XKR4: variants seen among roughly 807,000 people sequenced by gnomAD.
XKR4 encodes XK related 4.
XKR4 carries 12 observed loss-of-function variants against 53.9 expected under a neutral mutation model. The ratio of observed to expected loss-of-function variants is 0.22; its 90% CI spans 0.14 to 0.36. The LOEUF (loss-of-function observed/expected upper bound fraction) is 0.36, where lower values mean the gene tolerates loss of function less well. Ranked by LOEUF, XKR4 falls within the 10% of genes least tolerant of loss-of-function variation. XKR4 has a pLI of 1.00. For synonymous variants in XKR4, 354 were observed against 362.4 expected, an observed-to-expected ratio of 0.98 and a Z score of 0.26; for missense variants, 799 against 859.5, an observed-to-expected ratio of 0.93 and a Z score of 0.88.
intron 2 of XKR4, among the ~76,000 whole-genome samples, chr8:55,427,207 C>A (rs760552821): frequency 6.6e-6 from 1 of 152,078 alleles, no homozygotes; most frequent in Non-Finnish European, 1.5e-5. Context: ...ATAGAATAGA[C>A]GTCCAATAAC....
At chr8:55,426,795 T>C (rs1222858947) in intron 2 of XKR4, among the ~76,000 whole-genome samples, 4 of 152,212 alleles carry the variant, frequency 2.6e-5, no homozygotes, top group Admixed American at 2.6e-4. Flanking sequence ...ACCCAAACTA[T>C]GCTAAGAAGT....
At chr8:55,148,758 G>A (rs1477699298) in intron 1 of XKR4, among the ~76,000 whole-genome samples, 2 of 152,004 alleles carry the variant, frequency 1.3e-5, no homozygotes, top group African/African-American at 4.8e-5. Context: ...AACCCATGAA[G>A]TGGTCAATTA....
intron 2 of XKR4, among the ~76,000 whole-genome samples, chr8:55,435,259 A>C (rs898436372): frequency 6.6e-6 from 1 of 152,170 alleles, no homozygotes; most frequent in African/African-American, 2.4e-5. Flanking sequence ...ATTAGTTTGA[A>C]TCGTTGCTCC....
intron 1 of XKR4, among the ~76,000 whole-genome samples, chr8:55,231,748 T>C (rs1818044295): frequency 6.6e-6 from 1 of 152,068 alleles, no homozygotes; most frequent in Non-Finnish European, 1.5e-5. Flanking sequence ...GAAAAATAAA[T>C]GCAGGGGAAC....
At chr8:55,107,690 C>T (rs1265315476) in intron 1 of XKR4, among the ~76,000 whole-genome samples, 3 of 152,016 alleles carry the variant, frequency 2.0e-5, no homozygotes, top group Non-Finnish European at 4.4e-5. Context: ...TAAAGAGGTT[C>T]TAGAGATAAA....
At chr8:55,494,167 G>A (rs1806308552) in intron 2 of XKR4, among the ~76,000 whole-genome samples, 1 of 152,260 alleles carries the variant, frequency 6.6e-6, no homozygotes, top group African/African-American at 2.4e-5. Context: ...AGGGTGGGCA[G>A]CTCCAGGTGC....
At chr8:55,495,734 T>C (rs978881024) in intron 2 of XKR4, among the ~76,000 whole-genome samples, 1 of 152,060 alleles carries the variant, frequency 6.6e-6, no homozygotes, top group Non-Finnish European at 1.5e-5. Context: ...AGAGGTTGGA[T>C]TGGGGGCAGC....
At chr8:55,144,871 A>G (rs1816750860) in intron 1 of XKR4, among the ~76,000 whole-genome samples, 1 of 102,458 alleles carries the variant, frequency 9.8e-6, no homozygotes, top group African/African-American at 3.4e-5. Flanking sequence ...TCCCATTGTC[A>G]CCCAGGCTGG....
intron 1 of XKR4, among the ~76,000 whole-genome samples, chr8:55,283,712 T>C (rs1818870403): frequency 6.6e-6 from 1 of 152,184 alleles, no homozygotes; most frequent in Non-Finnish European, 1.5e-5. Context: ...AATATTTGTT[T>C]TTGCACATCC....
intron 2 of XKR4, among the ~76,000 whole-genome samples, chr8:55,473,614 C>G (rs1485379874): frequency 6.6e-6 from 1 of 152,070 alleles, no homozygotes; most frequent in Non-Finnish European, 1.5e-5. Context: ...AATAAGTGTG[C>G]CAGTTTCTCA....
chr8:55,145,211 C>G (rs765049540), intron 1 of XKR4, among the ~76,000 whole-genome samples: 6 of 152,128 alleles, frequency 3.9e-5, no homozygotes, highest in Non-Finnish European at 8.8e-5. Context: ...CACGCCTACT[C>G]ATTCCTGTGG....
chr8:55,134,920 A>AGGGTACAGAGTACTTTGT (rs1381398342), intron 1 of XKR4, among the ~76,000 whole-genome samples: 1 of 151,180 alleles, frequency 6.6e-6, no homozygotes, highest in East Asian at 2.0e-4. Context: ...GAGTACTTTG[A>AGGGTACAGAGTACTTTGT]GGGCACAGAG....
rs145659938 is a variant in XKR4 at position 55,305,946 on chromosome 8, A to T, written c.807-51732A>T. Among the ~76,000 whole-genome samples, 230 of 152,354 alleles carry T rather than the reference A, an allele frequency of 1.5e-3. 2 individuals are homozygous for T. The highest frequency in any genetic ancestry group is 6.8e-3 in the Middle Eastern group (2 of 294). On this transcript the variant is annotated intron_variant, in intron 1 of 2. Coordinates refer to ENST00000327381, the MANE Select transcript of XKR4 (RefSeq NM_052898.2). Reference sequence around the variant, plus strand: ...TACCATGTAAGTAAAAGTTAGTTTCAGTGTATTCAACCAAGAAATGTAGGT... The same window carrying T: ...TACCATGTAAGTAAAAGTTAGTTTCTGTGTATTCAACCAAGAAATGTAGGT...
chr8:55,199,730 G>A (rs921912431), intron 1 of XKR4, among the ~76,000 whole-genome samples: 6 of 152,214 alleles, frequency 3.9e-5, no homozygotes. Flanking sequence ...CCTCTAGCTT[G>A]ATCAGTGGTC....
chr8:55,238,516 G>T (rs888103437), intron 1 of XKR4, among the ~76,000 whole-genome samples: 3 of 152,168 alleles, frequency 2.0e-5, no homozygotes, highest in Non-Finnish European at 4.4e-5. Context: ...ACCTATATAT[G>T]CCAGGAGGGG....
intron 1 of XKR4, among the ~76,000 whole-genome samples, chr8:55,234,014 CA>C (rs1818082887): frequency 6.6e-6 from 1 of 152,178 alleles, no homozygotes; most frequent in South Asian, 2.1e-4. Context: ...GTACCAAAGC[CA>C]ATACCATTAT....
Position 55,532,796 on chromosome 8 carries a change from CAAAAAAAAAAA to C in XKR4, c.*8583_*8593del, listed in dbSNP as rs11313216. ...TGGGTGACAGAGCAAGACTCCGTCT[CAAAAAAAAAAA>C]AAAAAAAAAAAAAGAATTTCAGAAA... On this transcript the variant is annotated 3_prime_UTR_variant, in exon 3 of 3. Transcript: ENST00000327381. 43 of 70,962 alleles carry C rather than the reference CAAAAAAAAAAA, an allele frequency of 6.1e-4. No individual in the cohort carries two copies. The highest frequency in any genetic ancestry group is 2.2e-3 in the African/African-American group (41 of 18,718). The allele number at this position is 70,962 out of a possible 1,614,324, so 4.4% of individuals were successfully genotyped here. A position where few individuals can be genotyped will look rare whatever the true frequency, so the allele number is the denominator to read the frequency against.
Position 55,538,665 on chromosome 8 carries a change from C to G in XKR4, c.*14438C>G, listed in dbSNP as rs750974227. ...CCAGAAAACTTGTCTCCTCCTGATGCCTGAGGGGTTTGCATGCCTGATCCC... is the reference window on the plus strand; with the variant it reads ...CCAGAAAACTTGTCTCCTCCTGATGGCTGAGGGGTTTGCATGCCTGATCCC... On this transcript the variant is annotated 3_prime_UTR_variant, in exon 3 of 3. Transcript: ENST00000327381. 1.3e-5 allele frequency: 2 copies of G among 152,082 alleles called. No homozygotes were observed. Among genetic ancestry groups the G allele is most frequent in the Non-Finnish European group, 2.9e-5 (2 of 68,018 alleles). 9.4% of individuals were successfully genotyped at this position (152,082 alleles called of 1,614,324 possible). A position where few individuals can be genotyped will look rare whatever the true frequency, so the allele number is the denominator to read the frequency against.
chr8:55,421,540 T>C (rs1004835208), intron 2 of XKR4, among the ~76,000 whole-genome samples: 4 of 152,178 alleles, frequency 2.6e-5, no homozygotes, highest in African/African-American at 9.7e-5. Flanking sequence ...TCTCTCTCTC[T>C]CTCTCTGTCT....
Sources: allele counts gnomAD v4.1 joint callset (sites outside exome capture counted in the v4.1 genomes callset), GRCh38; gene constraint gnomAD v4.1.1; transcripts MANE v1.5; gene names NCBI Gene and HGNC (gene_info 2026-07-23, HGNC 2026-07-21).